The following ADGRB1 variants were observed in gnomAD, a reference collection of about 807,000 sequenced individuals.
The protein encoded by ADGRB1 is brain-specific angiogenesis inhibitor 1.
Under a neutral mutation model 175.7 loss-of-function variants are expected in ADGRB1, and 36 were observed. That is an observed-to-expected ratio of 0.20 (90% CI 0.16 to 0.27). The LOEUF (loss-of-function observed/expected upper bound fraction) is 0.27. Among genes scored for constraint, ADGRB1 ranks in the 10% least tolerant of loss-of-function variants. The pLI is 1.00. For synonymous variants in ADGRB1, 1,054 were observed against 979.4 expected (o/e 1.08, Z -1.42); for missense variants, 1,731 against 2,255.3 (o/e 0.77, Z 4.71).
chr8:142,491,553 G>T (rs531623854), intron 17 of ADGRB1, among the ~76,000 whole-genome samples: 3 of 152,362 alleles, frequency 2.0e-5, no homozygotes, highest in East Asian at 1.9e-4. Flanking sequence ...AGGCCAGGAC[G>T]TGGGGAGATG....
Position 142,481,565 on chromosome 8 carries a change from G to A in ADGRB1, c.1984G>A (p.Val662Ile). 3 of 1,598,586 alleles carry A rather than the reference G, an allele frequency of 1.9e-6. No homozygotes were observed. Among genetic ancestry groups the A allele is most frequent in the African/African-American group, 1.3e-5 (1 of 74,704 alleles). The change falls in exon 11 of 31, where the codon GTC becomes ATC. Residue 662 changes from valine to isoleucine, a missense_variant. Val to Ile is a conservative substitution (Grantham distance 29). Transcript: ENST00000517894. ...KAQRGLPGEG[V>I]SEVIQTLVEI... ...TCAGCGAGGGCTGCCTGGGGAGGGG[G>A]TCTCGGAGGTCATCCAGACACTGGT... is the stretch of plus-strand genomic sequence containing the variant.
chr8:142,516,724 G>A (rs1172384026), intron 18 of ADGRB1, among the ~76,000 whole-genome samples: 2 of 151,704 alleles, frequency 1.3e-5, no homozygotes, highest in African/African-American at 4.9e-5. Context: ...GGCCCCAGGT[G>A]TGTGTCTGTG....
At chr8:142,532,340 A>G (rs1844670637) in intron 24 of ADGRB1, among the ~76,000 whole-genome samples, 1 of 152,220 alleles carries the variant, frequency 6.6e-6, no homozygotes, top group Non-Finnish European at 1.5e-5. Flanking sequence ...AGGAGAGCAC[A>G]GGCTCAGAGG....
intron 2 of ADGRB1, among the ~76,000 whole-genome samples, chr8:142,469,156 CATGTGTGTGTGTGT>C (rs1174569498): frequency 2.6e-4 from 2 of 7,586 alleles, no homozygotes; most frequent in Non-Finnish European, 6.6e-4. Context: ...TGCATGCGTG[CATGTGTGTGTGTGT>C]GCATGTGTGT....
At chr8:142,451,679 A>G (rs1839358953) in intron 1 of ADGRB1, among the ~76,000 whole-genome samples, 1 of 152,020 alleles carries the variant, frequency 6.6e-6, no homozygotes, top group Non-Finnish European at 1.5e-5. Flanking sequence ...CCTCGGAGCG[A>G]GAGCCGCCGC....
rs1470140142 is a variant in ADGRB1 at position 142,476,582 on chromosome 8, C to T, written c.947-3C>T. 6.5e-7 allele frequency: 1 copy of T among 1,548,536 alleles called. No homozygotes were observed. The stretch of plus-strand genomic sequence containing the variant: ...CCTGTGCTGACCTAAGCCCGTCCTG[C>T]AGCCGCTGGGCGCACCAGCTCCCGG... On this transcript the variant is annotated splice_polypyrimidine_tract_variant and splice_region_variant and intron_variant, in intron 3 of 30. Transcript: ENST00000517894.
At chr8:142,454,582 C>T (rs185928350) in intron 1 of ADGRB1, among the ~76,000 whole-genome samples, 9 of 152,274 alleles carry the variant, frequency 5.9e-5, no homozygotes, top group African/African-American at 1.7e-4. Flanking sequence ...GGCAGGGAGG[C>T]CCCCGCAGGC....
chr8:142,468,772 C>T (rs1840421684), intron 2 of ADGRB1, among the ~76,000 whole-genome samples: 2 of 152,240 alleles, frequency 1.3e-5, no homozygotes, highest in Admixed American at 1.3e-4. Context: ...ATGGCAGCAG[C>T]TCTGGGCCCA....
At position 142,464,838 on chromosome 8, in the gene ADGRB1, G is replaced by T. The variant is rs1233987716; in HGVS notation, c.640G>T (p.Ala214Ser). The T allele has an allele frequency of 4.6e-6, 7 of 1,526,290 alleles. No individual in the cohort carries two copies. The highest frequency in any genetic ancestry group is 6.1e-6 in the Non-Finnish European group (7 of 1,142,254). The allele number at this position is 1,526,290 out of a possible 1,614,324, so 94.5% of individuals were successfully genotyped here. The change falls in exon 2 of 31, where the codon GCC becomes TCC. Residue 214 changes from alanine to serine, a missense_variant. Physicochemically the swap from Ala to Ser is moderately conservative, Grantham distance 99. This residue lies in a region of ADGRB1 where 383 missense variants were observed against 383.1 expected (regional missense o/e 1.00). Coordinates refer to ENST00000517894, the MANE Select transcript of ADGRB1 (RefSeq NM_001702.3). ...HPCGIMQTPC[A>S]CLGGEAGGPA... ...CTGCGGGATCATGCAGACCCCCTGC[G>T]CCTGCCTGGGCGGCGAGGCGGGCGG... is the stretch of plus-strand genomic sequence containing the variant.
Position 142,449,745 on chromosome 8 carries a change from G to T in ADGRB1, c.-579G>T, listed in dbSNP as rs1377666133. The stretch of plus-strand genomic sequence containing the variant: ...CGGCGGCGGGCGCGGCGTTGGCGGC[G>T]GCCCCGGCGGAGCGAGCGCGGAGCC... On this transcript the variant is annotated 5_prime_UTR_variant, in exon 1 of 31. Transcript: ENST00000517894. 9 of 146,198 alleles carry T rather than the reference G, an allele frequency of 6.2e-5. No homozygotes were observed. The highest frequency in any genetic ancestry group is 2.0e-4 in the Admixed American group (3 of 14,666). The allele number at this position is 146,198 out of a possible 1,614,324, so 9.1% of individuals were successfully genotyped here. A position where few individuals can be genotyped will look rare whatever the true frequency, so the allele number is the denominator to read the frequency against.
chr8:142,511,052 A>G lies in ADGRB1; in HGVS notation c.2796A>G (p.Leu932=). The G allele has an allele frequency of 7.9e-7, 1 of 1,258,254 alleles. No homozygotes were observed. The highest frequency in any genetic ancestry group is 1.0e-6 in the Non-Finnish European group (1 of 983,114). 77.9% of individuals were successfully genotyped at this position (1,258,254 alleles called of 1,614,324 possible). A position where few individuals can be genotyped will look rare whatever the true frequency, so the allele number is the denominator to read the frequency against. ...ACCGGCTCTCCACCTTCGCCATCTT[A>G]GCCCAGCTCAGCGCCGACGCGGTGA... ...LCDRLSTFAI[L]AQLSADANME... is the part of the protein sequence containing the mutation. The change falls in exon 18 of 31, where the codon TTA becomes TTG. Residue 932 remains leucine (L), a synonymous_variant. Transcript: ENST00000517894. This position sits in a 1 kb window ranked among gnomAD's most constrained non-coding sequence, Gnocchi z 4.5.
Position 142,526,566 on chromosome 8 carries a change from G to A in ADGRB1, c.3337G>A (p.Val1113Met). The change falls in exon 24 of 31, where the codon GTG (valine) becomes ATG (methionine). Residue 1113 changes from valine to methionine, a missense_variant. Val to Met is a conservative substitution (Grantham distance 21, BLOSUM62 1). This residue lies in a region of ADGRB1 where 301 missense variants were observed against 488.4 expected (regional missense o/e 0.62). Transcript: ENST00000517894. ...VLVNMVIGIL[V>M]FNKLVSKDGI... ...GGTGAACATGGTCATTGGGATCCTG[G>A]TGTTCAACAAGCTCGTGTCCAAAGA... 2 of 1,610,632 alleles carry A rather than the reference G, an allele frequency of 1.2e-6. No individual in the cohort carries two copies. The highest frequency in any genetic ancestry group is 1.7e-6 in the Non-Finnish European group (2 of 1,178,736).
At chr8:142,467,438 G>A (rs1840345461) in intron 2 of ADGRB1, among the ~76,000 whole-genome samples, 1 of 152,216 alleles carries the variant, frequency 6.6e-6, no homozygotes, top group African/African-American at 2.4e-5. Context: ...ACTGATGAAA[G>A]GATGTGGACA....
At chr8:142,516,329 A>G (rs189477105) in intron 18 of ADGRB1, among the ~76,000 whole-genome samples, 87 of 53,050 alleles carry the variant, frequency 1.6e-3, no homozygotes, top group African/African-American at 4.7e-3. Context: ...CCCCAGGTGC[A>G]TGCGTGTGTG....
intron 17 of ADGRB1, among the ~76,000 whole-genome samples, chr8:142,494,261 GCCC>G (rs1842114030): frequency 7.3e-6 from 1 of 136,162 alleles, no homozygotes; most frequent in Non-Finnish European, 1.6e-5. Flanking sequence ...CACTCACTGA[GCCC>G]TGATCCTGGT....
intron 18 of ADGRB1, among the ~76,000 whole-genome samples, chr8:142,515,184 T>C (rs1005420312): frequency 2.6e-5 from 4 of 151,872 alleles, no homozygotes; most frequent in Non-Finnish European, 5.9e-5. Flanking sequence ...CGCCTGAAGG[T>C]CAGGGAAGGC....
In ADGRB1 at chr8:142,542,322, C is replaced by A. The variant is rs750134531; in HGVS notation, c.4088C>A (p.Pro1363His). The A allele has an allele frequency of 6.2e-7, 1 of 1,612,480 alleles. No homozygotes were observed. The highest frequency in any genetic ancestry group is 1.1e-5 in the South Asian group (1 of 91,002). ...ATLRPKPKEE[P>H]KYSIHIDQMP... ...CTGCGGCCCAAGCCCAAGGAGGAGC[C>A]CAAGTACAGCATCCACATTGACCAG... The change falls in exon 28 of 31, where the codon CCC (proline) becomes CAC (histidine). Residue 1363 changes from proline (P) to histidine (H), a missense_variant. This residue lies in a region of ADGRB1 where 394 missense variants were observed against 410.2 expected (regional missense o/e 0.96). Transcript: ENST00000517894. This position sits in a 1 kb window ranked among gnomAD's most constrained non-coding sequence, Gnocchi z 6.3.
chr8:142,501,892 G>GT (rs1251417794), intron 17 of ADGRB1, among the ~76,000 whole-genome samples: 2 of 27,940 alleles, frequency 7.2e-5, no homozygotes, highest in Non-Finnish European at 1.2e-4. Flanking sequence ...GTGATGGTGA[G>GT]GGTGATGTGG....
Position 142,510,919 on chromosome 8 carries a change from C to T in ADGRB1, c.2676-13C>T, listed in dbSNP as rs564262859. 144 of 1,064,212 alleles carry T rather than the reference C, an allele frequency of 1.4e-4. 4 individuals are homozygous for T. The South Asian group carries it at 4.0e-3, about 30-fold the overall frequency. 65.9% of individuals were successfully genotyped at this position (1,064,212 alleles called of 1,614,324 possible). A position where few individuals can be genotyped will look rare whatever the true frequency, so the allele number is the denominator to read the frequency against. Reference sequence around the variant, plus strand: ...CTCCGCCTGTCTCCCTCCCGTGTCCCGCCCGCCCCCAGACCCTCCTCCTCC... The same window carrying T: ...CTCCGCCTGTCTCCCTCCCGTGTCCTGCCCGCCCCCAGACCCTCCTCCTCC... On this transcript the variant is annotated splice_polypyrimidine_tract_variant and intron_variant, in intron 17 of 30. Coordinates refer to ENST00000517894, the MANE Select transcript of ADGRB1 (RefSeq NM_001702.3). This position sits in a 1 kb window ranked among gnomAD's most constrained non-coding sequence, Gnocchi z 6.3.
Sources: allele counts gnomAD v4.1 joint callset (sites outside exome capture counted in the v4.1 genomes callset), GRCh38; gene constraint gnomAD v4.1.1; regional missense constraint gnomAD v4.1.1; non-coding constraint Gnocchi (gnomAD v3.1); transcripts MANE v1.5; gene names NCBI Gene and HGNC (gene_info 2026-07-23, HGNC 2026-07-21).